The following SESN1 variants were observed in gnomAD, a reference collection of about 807,000 sequenced individuals.
The protein encoded by SESN1 is sestrin 1, also known as sestrin-1.
A neutral mutation model predicts 59.3 loss-of-function variants in SESN1; 30 were observed. That is an observed-to-expected ratio of 0.51 (90% CI 0.38 to 0.69). The LOEUF (loss-of-function observed/expected upper bound fraction) is 0.69, where lower values mean the gene tolerates loss of function less well. Ranked by LOEUF, SESN1 falls within the 30% of genes least tolerant of loss-of-function variation. SESN1 has a pLI of 0.00. For missense variants in SESN1, 566 were observed against 673.0 expected (o/e 0.84, Z 1.76); for synonymous variants, 197 against 219.9 (o/e 0.90, Z 0.92).
chr6:108,990,213 G>A (rs1210240969), intron 8 of SESN1, among the ~76,000 whole-genome samples: 2 of 151,948 alleles, frequency 1.3e-5, no homozygotes, highest in Non-Finnish European at 2.9e-5. Flanking sequence ...TTTTGATTAC[G>A]TATTATGAGA....
At chr6:109,009,261 T>C in intron 1 of SESN1, 3 of 1,122,804 alleles carry the variant, frequency 2.7e-6, no homozygotes, top group Non-Finnish European at 3.5e-6. Flanking sequence ...GGAGCGACTG[T>C]GAGGAGGCAA....
intron 1 of SESN1, among the ~76,000 whole-genome samples, chr6:109,092,719 T>C (rs1781341779): frequency 6.6e-6 from 1 of 152,214 alleles, no homozygotes; most frequent in African/African-American, 2.4e-5. Context: ...GAAATAACTT[T>C]TTGTGTTTCA....
intron 1 of SESN1, among the ~76,000 whole-genome samples, chr6:109,079,995 T>C (rs992068696): frequency 2.0e-5 from 3 of 152,210 alleles, no homozygotes; most frequent in African/African-American, 7.2e-5. Flanking sequence ...TGATATGTAA[T>C]GCAAAACCGT....
chr6:109,073,655 TTAGG>T (rs1780976762), intron 1 of SESN1, among the ~76,000 whole-genome samples: 2 of 152,164 alleles, frequency 1.3e-5, no homozygotes, highest in Non-Finnish European at 2.9e-5. Context: ...GCAAAACTCA[TTAGG>T]AAAAAATATT....
intron 1 of SESN1, among the ~76,000 whole-genome samples, chr6:109,067,944 G>C (rs1246768026): frequency 6.6e-6 from 1 of 152,208 alleles, no homozygotes; most frequent in Non-Finnish European, 1.5e-5. Context: ...TAACAAATTG[G>C]AGGACAGGGA....
At chr6:109,068,102 T>C (rs554102187) in intron 1 of SESN1, among the ~76,000 whole-genome samples, 2 of 152,132 alleles carry the variant, frequency 1.3e-5, no homozygotes, top group Non-Finnish European at 2.9e-5. Context: ...CCCCTGAAGT[T>C]TGGGGGGGAC....
At chr6:108,992,350 C>G (rs932685799) in intron 7 of SESN1, among the ~76,000 whole-genome samples, 2 of 152,132 alleles carry the variant, frequency 1.3e-5, no homozygotes, top group African/African-American at 4.8e-5. Context: ...TGCCTCGGCT[C>G]AGGCAATCCA....
At chr6:108,990,857 A>C in intron 7 of SESN1, 22 bp from the exon 8 acceptor site, 1 of 1,585,942 alleles carries the variant, frequency 6.3e-7, no homozygotes, top group Non-Finnish European at 8.6e-7. Flanking sequence ...GAATAGAACA[A>C]ATGTGAATAA....
At chr6:109,090,504 T>C (rs1382618370) in intron 1 of SESN1, 3 of 152,230 alleles carry the variant, frequency 2.0e-5, no homozygotes, top group African/African-American at 4.8e-5. Context: ...TTGTATGTTA[T>C]ACATATTATA....
chr6:109,063,967 C>T (rs1025229087), intron 1 of SESN1, among the ~76,000 whole-genome samples: 3 of 151,688 alleles, frequency 2.0e-5, no homozygotes, highest in Non-Finnish European at 4.4e-5. Context: ...CAACTTGTAG[C>T]CTTTTACTTT....
intron 1 of SESN1, among the ~76,000 whole-genome samples, chr6:109,028,138 T>C (rs1583277960): frequency 6.7e-6 from 1 of 149,988 alleles, no homozygotes; most frequent in East Asian, 1.9e-4. Flanking sequence ...TACCCCCAGG[T>C]TGTAAACTTT....
intron 1 of SESN1, among the ~76,000 whole-genome samples, chr6:109,074,735 C>CT (rs1781002190): frequency 6.6e-6 from 1 of 152,168 alleles, no homozygotes; most frequent in Admixed American, 6.5e-5. Context: ...TTGGGATTTG[C>CT]TTTTAATTCT....
At chr6:109,073,572 T>G (rs1441961570) in intron 1 of SESN1, among the ~76,000 whole-genome samples, 3 of 152,148 alleles carry the variant, frequency 2.0e-5, no homozygotes, top group Non-Finnish European at 1.5e-5. Context: ...CTAGCGCTCA[T>G]AAAAGCTAAA....
chr6:109,060,244 C>T (rs1780710255), intron 1 of SESN1, among the ~76,000 whole-genome samples: 1 of 151,906 alleles, frequency 6.6e-6, no homozygotes, highest in Admixed American at 6.6e-5. Context: ...AGAATAGATT[C>T]TAAAAAATTT....
At chr6:109,066,485 A>G (rs749890858) in intron 1 of SESN1, among the ~76,000 whole-genome samples, 1 of 152,148 alleles carries the variant, frequency 6.6e-6, no homozygotes, top group Admixed American at 6.5e-5. Flanking sequence ...ATGTGGGTCT[A>G]CTCTATTTCC....
At chr6:109,070,620 G>A (rs887453161) in intron 1 of SESN1, among the ~76,000 whole-genome samples, 1 of 152,164 alleles carries the variant, frequency 6.6e-6, no homozygotes, top group African/African-American at 2.4e-5. Context: ...CCAGCCAATG[G>A]CTACTTTTTC....
chr6:109,028,695 A>T (rs1780134548), intron 1 of SESN1, among the ~76,000 whole-genome samples: 1 of 152,240 alleles, frequency 6.6e-6, no homozygotes, highest in Non-Finnish European at 1.5e-5. Flanking sequence ...ACTGGGCAAC[A>T]CATACCATAG....
chr6:109,080,405 A>G (rs1458706554), intron 1 of SESN1, among the ~76,000 whole-genome samples: 2 of 152,216 alleles, frequency 1.3e-5, no homozygotes, highest in Non-Finnish European at 2.9e-5. Flanking sequence ...AGCCTTTTAT[A>G]CACCATATTT....
chr6:108,987,426 A>G lies in SESN1; in HGVS notation c.*118T>C, dbSNP rs1380730276. On this transcript the variant is annotated 3_prime_UTR_variant, in exon 10 of 10. Transcript: ENST00000436639. Reference sequence around the variant, plus strand: ...AAAAATAGCAGAAACTAAAGGAATCATGGCACAATGGATTTCTGAATTATT... The same window carrying G: ...AAAAATAGCAGAAACTAAAGGAATCGTGGCACAATGGATTTCTGAATTATT... 1.7e-6 allele frequency: 1 copy of G among 579,040 alleles called. No individual in the cohort carries two copies. Among genetic ancestry groups the G allele is most frequent in the Non-Finnish European group, 3.1e-6 (1 of 326,488 alleles). The allele number at this position is 579,040 out of a possible 1,614,324, so 35.9% of individuals were successfully genotyped here.
Sources: gnomAD v4.1 joint callset for allele counts (sites outside exome capture counted in the v4.1 genomes callset) on GRCh38, gnomAD v4.1.1 for gene constraint, MANE v1.5 for transcripts, NCBI Gene and HGNC (gene_info 2026-07-23, HGNC 2026-07-21) for gene names.